The following AUTS2 variants were observed in gnomAD, a reference collection of about 807,000 sequenced individuals.
AUTS2 encodes the protein activator of transcription and developmental regulator AUTS2, also known as autism susceptibility gene 2 protein.
In AUTS2, 17 loss-of-function variants were observed where a neutral mutation model predicts 112.4. The ratio of observed to expected loss-of-function variants is 0.15; its 90% CI spans 0.10 to 0.23. AUTS2 has a LOEUF of 0.23. AUTS2 is among the 10% of genes least tolerant of loss of function. AUTS2 has a pLI of 1.00. For synonymous variants in AUTS2, 751 were observed against 702.7 expected (o/e 1.07, Z -1.09); for missense variants, 1,510 against 1,701.6 (o/e 0.89, Z 1.98).
chr7:70,431,444 G>A (rs1285293544), intron 4 of AUTS2, among the ~76,000 whole-genome samples: 1 of 152,144 alleles, frequency 6.6e-6, no homozygotes, highest in Admixed American at 6.5e-5. Flanking sequence ...TGCCCAGGGT[G>A]GAGTGATCTC....
intron 4 of AUTS2, among the ~76,000 whole-genome samples, chr7:70,139,008 C>T (rs990475949): frequency 3.9e-5 from 6 of 152,194 alleles, no homozygotes; most frequent in Non-Finnish European, 7.3e-5. Context: ...CTGTGTCACC[C>T]AGGCCATAGT....
intron 4 of AUTS2, among the ~76,000 whole-genome samples, chr7:70,397,958 A>C (rs1766948734): frequency 1.3e-5 from 2 of 152,104 alleles, no homozygotes; most frequent in African/African-American, 2.4e-5. Context: ...ATATGATGTG[A>C]CTTCAATTTT....
intron 16 of AUTS2, chr7:70,785,266 A>G (rs1791372923): frequency 8.1e-6 from 5 of 614,454 alleles, no homozygotes; most frequent in Admixed American, 6.9e-5. Context: ...TGAACTTCCC[A>G]TGGTGCAGTG....
chr7:69,694,862 A>C (rs572315751), intron 1 of AUTS2, among the ~76,000 whole-genome samples: 6 of 152,336 alleles, frequency 3.9e-5, no homozygotes, highest in Non-Finnish European at 8.8e-5. Context: ...CTAGCTTTGC[A>C]AAACGCCAAA....
At chr7:70,648,770 G>C (rs1806319716) in intron 5 of AUTS2, among the ~76,000 whole-genome samples, 3 of 151,984 alleles carry the variant, frequency 2.0e-5, no homozygotes, top group Admixed American at 2.0e-4. Flanking sequence ...ATTTTTGGTA[G>C]AGACAGGGCT....
At chr7:69,813,665 A>G (rs575124879) in intron 1 of AUTS2, among the ~76,000 whole-genome samples, 3 of 152,242 alleles carry the variant, frequency 2.0e-5, no homozygotes, top group South Asian at 2.1e-4. Context: ...CACAAATCCT[A>G]CTTCCTGCTT....
chr7:69,779,050 T>TAAAA (rs1554368326), intron 1 of AUTS2, among the ~76,000 whole-genome samples: 3 of 86,572 alleles, frequency 3.5e-5, no homozygotes, highest in African/African-American at 9.6e-5. Flanking sequence ...TTTTTTTTTT[T>TAAAA]AAAAAAAAAA....
At chr7:70,632,946 A>T (rs1805340556) in intron 5 of AUTS2, among the ~76,000 whole-genome samples, 1 of 152,098 alleles carries the variant, frequency 6.6e-6, no homozygotes, top group Non-Finnish European at 1.5e-5. Flanking sequence ...CCATATTTGT[A>T]CAAAAAGATG....
intron 5 of AUTS2, among the ~76,000 whole-genome samples, chr7:70,525,345 C>T (rs572322245): frequency 4.1e-4 from 62 of 152,298 alleles, no homozygotes; most frequent in African/African-American, 1.5e-3. Flanking sequence ...GCCAGAGGCC[C>T]TTTCCTTGTT....
intron 5 of AUTS2, chr7:70,437,041 T>TA (rs1410991478): frequency 6.6e-6 from 1 of 152,442 alleles, no homozygotes; most frequent in Non-Finnish European, 1.5e-5. Flanking sequence ...TTGAGGTTTT[T>TA]ATCTCTGAAG....
chr7:70,198,338 G>A (rs574385573), intron 4 of AUTS2, among the ~76,000 whole-genome samples: 14 of 151,650 alleles, frequency 9.2e-5, no homozygotes, highest in African/African-American at 3.1e-4. Flanking sequence ...AAAGCTGGAT[G>A]GAGAATGATT....
chr7:70,784,286 C>CA (rs1010712043), intron 15 of AUTS2: 1 of 152,240 alleles, frequency 6.6e-6, no homozygotes, highest in African/African-American at 2.4e-5. Context: ...TGCGAACTAA[C>CA]ATACTCTTCA....
intron 1 of AUTS2, among the ~76,000 whole-genome samples, chr7:69,651,139 G>A (rs1038450201): frequency 1.8e-4 from 27 of 152,206 alleles, no homozygotes; most frequent in South Asian, 6.2e-4. Flanking sequence ...TAGTAGTGTC[G>A]TGAGGACTGC....
At chr7:70,537,720 A>C (rs1800380128) in intron 5 of AUTS2, among the ~76,000 whole-genome samples, 1 of 152,262 alleles carries the variant, frequency 6.6e-6, no homozygotes, top group East Asian at 1.9e-4. Flanking sequence ...GCGGTGGTCT[A>C]CTGAGAGCCA....
chr7:70,669,772 T>G (rs1807540576), intron 5 of AUTS2, among the ~76,000 whole-genome samples: 1 of 152,232 alleles, frequency 6.6e-6, no homozygotes, highest in Non-Finnish European at 1.5e-5. Flanking sequence ...TCTTATTTGA[T>G]TCTTCTTTGG....
At chr7:70,222,117 T>C (rs768005807) in intron 4 of AUTS2, among the ~76,000 whole-genome samples, 12 of 152,250 alleles carry the variant, frequency 7.9e-5, no homozygotes, top group Non-Finnish European at 1.6e-4. Flanking sequence ...ATTTTTCACA[T>C]TAACATTACT....
At chr7:70,354,861 T>G (rs2129624390) in intron 4 of AUTS2, among the ~76,000 whole-genome samples, 1 of 152,342 alleles carries the variant, frequency 6.6e-6, no homozygotes, top group South Asian at 2.1e-4. Context: ...TTATTAAAAT[T>G]AACTTTTTGT....
intron 5 of AUTS2, among the ~76,000 whole-genome samples, chr7:70,525,139 C>T (rs555145595): frequency 1.7e-4 from 26 of 152,312 alleles, no homozygotes; most frequent in African/African-American, 6.3e-4. Flanking sequence ...CGGATAGCAC[C>T]TGCCTGTACC....
In AUTS2 at chr7:70,222,197, C is replaced by T. The variant is rs192853048; in HGVS notation, c.660+87626C>T. Among the ~76,000 whole-genome samples the T allele has an allele frequency of 1.8e-3, 280 of 152,186 alleles. 1 individual carries two copies. The highest frequency in any genetic ancestry group is 6.5e-3 in the African/African-American group (271 of 41,520). ...TAAAATCTTTGCAGTAGATATTTCC[C>T]ATTTTGAAGAAGAGGAAACTAAGAC... On this transcript the variant is annotated intron_variant, in intron 4 of 18. Transcript: ENST00000342771.
Sources: gnomAD v4.1 joint callset for allele counts (sites outside exome capture counted in the v4.1 genomes callset) on GRCh38, gnomAD v4.1.1 for gene constraint, MANE v1.5 for transcripts, NCBI Gene and HGNC (gene_info 2026-07-23, HGNC 2026-07-21) for gene names.